The following CMIP variants were observed in gnomAD, a reference collection of about 807,000 sequenced individuals.
CMIP encodes the protein c-Maf inducing protein.
A neutral mutation model predicts 97.3 loss-of-function variants in CMIP; 13 were observed. That is an observed-to-expected ratio of 0.13 (90% CI 0.09 to 0.21). The LOEUF is 0.21. Ranked by LOEUF, CMIP falls within the 10% of genes least tolerant of loss-of-function variation. CMIP has a pLI of 1.00. For synonymous variants in CMIP, 538 were observed against 436.3 expected (o/e 1.23, Z -2.91); for missense variants, 847 against 1,024.9 (o/e 0.83, Z 2.37).
intron 1 of CMIP, among the ~76,000 whole-genome samples, chr16:81,547,094 G>A (rs756511411): frequency 6.6e-6 from 1 of 152,166 alleles, no homozygotes; most frequent in Non-Finnish European, 1.5e-5. Flanking sequence ...TGGGATGGCC[G>A]AGCCATGCCT....
At chr16:81,491,358 C>G (rs2089403053) in intron 1 of CMIP, among the ~76,000 whole-genome samples, 1 of 152,186 alleles carries the variant, frequency 6.6e-6, no homozygotes, top group Non-Finnish European at 1.5e-5. Flanking sequence ...TTTCTGAGTC[C>G]TCGTTTTCTT....
At chr16:81,658,300 C>G (rs940398198) in intron 5 of CMIP, among the ~76,000 whole-genome samples, 2 of 152,186 alleles carry the variant, frequency 1.3e-5, no homozygotes, top group Non-Finnish European at 2.9e-5. Flanking sequence ...AAAATATCTT[C>G]CTGAATGACT....
intron 1 of CMIP, among the ~76,000 whole-genome samples, chr16:81,462,290 G>A (rs1287556308): frequency 6.6e-6 from 1 of 152,182 alleles, no homozygotes; most frequent in Non-Finnish European, 1.5e-5. Flanking sequence ...CTTTGAAAAT[G>A]TGCTGAAAGC....
intron 1 of CMIP, among the ~76,000 whole-genome samples, chr16:81,472,723 G>C (rs1029594191): frequency 6.6e-6 from 1 of 152,236 alleles, no homozygotes; most frequent in Non-Finnish European, 1.5e-5. Context: ...AGGTGGCCTG[G>C]AGGCAGGAGC....
At chr16:81,592,960 C>A (rs1437178876) in intron 1 of CMIP, among the ~76,000 whole-genome samples, 1 of 152,222 alleles carries the variant, frequency 6.6e-6, no homozygotes, top group East Asian at 1.9e-4. Context: ...GCAAAGGTGC[C>A]CAGTGGCACA....
chr16:81,586,616 C>T lies in CMIP; in HGVS notation c.301-20951C>T, dbSNP rs2091386978. Among the ~76,000 whole-genome samples the T allele has an allele frequency of 2.0e-5, 3 of 150,506 alleles. No individual in the cohort carries two copies. The South Asian group carries it at 6.2e-4, about 31-fold the overall frequency. On this transcript the variant is annotated intron_variant, in intron 1 of 20. Transcript: ENST00000537098. ...GATTTAATCAGTTTTTATGACTCACCTCCTTCAACTTCTCTCTCTCTGCCC... is the reference window on the plus strand; with the variant it reads ...GATTTAATCAGTTTTTATGACTCACTTCCTTCAACTTCTCTCTCTCTGCCC...
At chr16:81,626,813 GTGT>G (rs1567618518) in intron 3 of CMIP, among the ~76,000 whole-genome samples, 9 of 138,498 alleles carry the variant, frequency 6.5e-5, no homozygotes, top group East Asian at 5.1e-4. Flanking sequence ...GTGTGTGTGT[GTGT>G]GGGGTGCATA....
chr16:81,512,528 T>G (rs1267417993), intron 1 of CMIP, among the ~76,000 whole-genome samples: 2 of 152,212 alleles, frequency 1.3e-5, no homozygotes, highest in Non-Finnish European at 2.9e-5. Flanking sequence ...ATCAGCTACA[T>G]GGTTGTTGCA....
intron 9 of CMIP, among the ~76,000 whole-genome samples, chr16:81,674,893 G>A (rs1904284503): frequency 6.6e-6 from 1 of 152,104 alleles, no homozygotes; most frequent in Non-Finnish European, 1.5e-5. Context: ...GCCAGATCAG[G>A]GCTTCTTTCT....
At chr16:81,709,249 C>T (rs1050235324) in intron 20 of CMIP, among the ~76,000 whole-genome samples, 11 of 152,136 alleles carry the variant, frequency 7.2e-5, no homozygotes, top group African/African-American at 2.4e-4. Context: ...TCTCTGATAA[C>T]GATGAGAATA....
chr16:81,452,368 C>T (rs142872105), intron 1 of CMIP, among the ~76,000 whole-genome samples: 24 of 152,264 alleles, frequency 1.6e-4, no homozygotes, highest in African/African-American at 5.3e-4. Context: ...GAGGTGAGGC[C>T]TGGCGGTGCT....
At chr16:81,605,353 G>A (rs370484465) in intron 1 of CMIP, among the ~76,000 whole-genome samples, 5 of 152,190 alleles carry the variant, frequency 3.3e-5, no homozygotes, top group Admixed American at 6.5e-5. Context: ...CAGGATGAAC[G>A]CAGCTGCCTC....
chr16:81,670,907 C>A (rs1223432026), intron 8 of CMIP, among the ~76,000 whole-genome samples: 2 of 152,258 alleles, frequency 1.3e-5, no homozygotes, highest in East Asian at 3.9e-4. Context: ...CGGCTTACTG[C>A]AACCTCCGGC....
chr16:81,553,503 A>C (rs2090700533), intron 1 of CMIP, among the ~76,000 whole-genome samples: 1 of 121,624 alleles, frequency 8.2e-6, no homozygotes, highest in Admixed American at 8.1e-5. Context: ...CATATATTCC[A>C]AACAGAGCCC....
chr16:81,575,798 G>C (rs918889735), intron 1 of CMIP, among the ~76,000 whole-genome samples: 1 of 152,206 alleles, frequency 6.6e-6, no homozygotes, highest in African/African-American at 2.4e-5. Flanking sequence ...GTCTGATGAT[G>C]TGTGTGAGTA....
At chr16:81,598,271 GA>G (rs2091597317) in intron 1 of CMIP, among the ~76,000 whole-genome samples, 4 of 152,128 alleles carry the variant, frequency 2.6e-5, no homozygotes, top group African/African-American at 9.7e-5. Context: ...TGACCAACAG[GA>G]GGGTATCGCC....
chr16:81,656,010 A>G (rs747975728), intron 4 of CMIP, among the ~76,000 whole-genome samples: 26 of 152,214 alleles, frequency 1.7e-4, no homozygotes, highest in Non-Finnish European at 3.4e-4. Flanking sequence ...CTGATAGTTA[A>G]TAATCTACCA....
chr16:81,526,258 A>G (rs2090131955), intron 1 of CMIP, among the ~76,000 whole-genome samples: 3 of 152,202 alleles, frequency 2.0e-5, no homozygotes. Context: ...ATAGAATTCA[A>G]GTGATCTGTG....
chr16:81,496,409 T>G (rs183003016), intron 1 of CMIP, among the ~76,000 whole-genome samples: 138 of 152,212 alleles, frequency 9.1e-4, no homozygotes, highest in Non-Finnish European at 1.7e-3. Context: ...ATTTGTACGA[T>G]GGAGGGGAGT....
Sources: allele counts gnomAD v4.1 joint callset (sites outside exome capture counted in the v4.1 genomes callset), GRCh38; gene constraint gnomAD v4.1.1; transcripts MANE v1.5; gene names NCBI Gene and HGNC (gene_info 2026-07-23, HGNC 2026-07-21).